Variants in ABCA10 observed in about 807,000 individuals in gnomAD.
ABCA10 encodes ATP binding cassette subfamily A member 10, also known as ATP-binding cassette sub-family A member 10.
A neutral mutation model predicts 187.5 loss-of-function variants in ABCA10; 169 were observed. The ratio of observed to expected loss-of-function variants is 0.90; its 90% CI spans 0.80 to 1.02. ABCA10 has a LOEUF of 1.02. Among genes scored for constraint, ABCA10 ranks in the 50% least tolerant of loss-of-function variants. The pLI is 0.00. For missense variants in ABCA10, 1,727 were observed against 1,812.4 expected, an observed-to-expected ratio of 0.95 and a Z score of 0.86; for synonymous variants, 574 against 601.8, an observed-to-expected ratio of 0.95 and a Z score of 0.68.
chr17:69,187,600 AAATT>A, intron 19 of ABCA10, 77 bp downstream of exon 19: 1 of 1,382,362 alleles, frequency 7.2e-7, no homozygotes, highest in Middle Eastern at 2.2e-4. Context: ...ATGAATGAAT[AAATT>A]AATATATTTA....
intron 36 of ABCA10, 102 bp downstream of exon 36, chr17:69,151,941 T>C (rs2074131777): frequency 6.7e-7 from 1 of 1,483,960 alleles, no homozygotes; most frequent in African/African-American, 1.4e-5. Context: ...GATGAATAAG[T>C]CCACTCTGCC....
intron 9 of ABCA10, among the ~76,000 whole-genome samples, chr17:69,207,572 T>C (rs903671422): frequency 6.6e-6 from 1 of 152,074 alleles, no homozygotes; most frequent in Admixed American, 6.6e-5. Context: ...ATTTAGCTTG[T>C]AAAAAAAGGA....
At chr17:69,149,292 C>T in intron 37 of ABCA10, 1 of 538,146 alleles carries the variant, frequency 1.9e-6, no homozygotes, top group Non-Finnish European at 3.2e-6. Context: ...TTCCTATAAA[C>T]TCGAAAAAGC....
intron 30 of ABCA10, among the ~76,000 whole-genome samples, chr17:69,154,625 A>T (rs1381779201): frequency 2.0e-5 from 3 of 151,974 alleles, no homozygotes; most frequent in Non-Finnish European, 4.4e-5. Context: ...GAGTCTTGCT[A>T]TGTTGCCCAG....
intron 35 of ABCA10, 39 bp downstream of exon 35, chr17:69,152,323 G>C (rs949941564): frequency 1.3e-6 from 2 of 1,597,236 alleles, no homozygotes; most frequent in Non-Finnish European, 1.7e-6. Flanking sequence ...CTCTCTATAA[G>C]AACATGCTAG....
At position 69,225,374 on chromosome 17, in the gene ABCA10, G is replaced by C; in HGVS notation, c.-16C>G. The C allele has an allele frequency of 1.2e-6, 2 of 1,612,906 alleles. No homozygotes were observed. Among genetic ancestry groups the C allele is most frequent in the Non-Finnish European group, 1.7e-6 (2 of 1,179,236 alleles). On this transcript the variant is annotated 5_prime_UTR_variant, in exon 3 of 39. Coordinates refer to ENST00000690296, the MANE Select transcript of ABCA10 (RefSeq NM_001377321.1). Reference sequence around the variant, plus strand: ...TCTTATTCATTATCCTTTGTGTTATGTTACTGACTGGTGTATATGCCACTA... The same window carrying C: ...TCTTATTCATTATCCTTTGTGTTATCTTACTGACTGGTGTATATGCCACTA...
intron 6 of ABCA10, among the ~76,000 whole-genome samples, chr17:69,216,885 C>A (rs1442899204): frequency 6.6e-6 from 1 of 151,980 alleles, no homozygotes; most frequent in Non-Finnish European, 1.5e-5. Context: ...GGACATTAGA[C>A]AATGTATTAT....
chr17:69,166,953 A>C (rs1164139234), intron 25 of ABCA10, among the ~76,000 whole-genome samples: 1 of 152,210 alleles, frequency 6.6e-6, no homozygotes, highest in Non-Finnish European at 1.5e-5. Flanking sequence ...GTTGATGATC[A>C]GTACTGCCAT....
intron 9 of ABCA10, among the ~76,000 whole-genome samples, chr17:69,213,699 A>G (rs1243520341): frequency 1.3e-5 from 2 of 152,158 alleles, no homozygotes; most frequent in African/African-American, 4.8e-5. Flanking sequence ...GGCCCTCCCC[A>G]TCTGCCCACA....
At chr17:69,222,795 G>A (rs1404414469) in intron 3 of ABCA10, 98 bp from the exon 4 acceptor site, 2 of 1,121,782 alleles carry the variant, frequency 1.8e-6, no homozygotes, top group African/African-American at 3.3e-5. Flanking sequence ...AAAATTAGTG[G>A]TATTATATAT....
chr17:69,221,703 A>T (rs949632849), intron 5 of ABCA10, 89 bp downstream of exon 5: 6 of 1,152,006 alleles, frequency 5.2e-6, no homozygotes, highest in Non-Finnish European at 7.3e-6. Context: ...ACCTCCTAAG[A>T]GTGTAAGAGT....
At position 69,153,463 on chromosome 17, in the gene ABCA10, G is replaced by A. The variant is rs2074146589; in HGVS notation, c.4041+8C>T. The A allele has an allele frequency of 6.2e-7, 1 of 1,613,950 alleles. No individual in the cohort carries two copies. The highest frequency in any genetic ancestry group is 1.7e-5 in the Admixed American group (1 of 59,996). ...GGTGCACAGGGAAACCCCGAGCCTG[G>A]CCCATACCTTTCTCTTTATTCCCTC... is the stretch of plus-strand genomic sequence containing the variant. On this transcript the variant is annotated splice_region_variant and intron_variant, in intron 33 of 38. Coordinates refer to ENST00000690296, the MANE Select transcript of ABCA10 (RefSeq NM_001377321.1).
upstream of ABCA10, among the ~76,000 whole-genome samples, chr17:69,231,071 G>C (rs2074828994): frequency 6.6e-6 from 1 of 151,954 alleles, no homozygotes; most frequent in African/African-American, 2.4e-5. Context: ...CCACAAACTG[G>C]GTACCTTAGA....
At chr17:69,217,004 T>C (rs2074711180) in intron 6 of ABCA10, among the ~76,000 whole-genome samples, 5 of 152,128 alleles carry the variant, frequency 3.3e-5, no homozygotes. Context: ...CCCAGCACTT[T>C]GGGAGGTTGA....
At chr17:69,239,074 T>G (rs2074888920) in intron 1 of ABCA10, among the ~76,000 whole-genome samples, 1 of 152,064 alleles carries the variant, frequency 6.6e-6, no homozygotes, top group Non-Finnish European at 1.5e-5. Flanking sequence ...CTACTGACAG[T>G]AGGGGAAAGA....
At chr17:69,182,945 G>T in intron 20 of ABCA10, 137 bp from the exon 21 acceptor site, 1 of 1,071,980 alleles carries the variant, frequency 9.3e-7, no homozygotes, top group Non-Finnish European at 1.3e-6. Flanking sequence ...TGCTCTTTAG[G>T]AGTACAATAC....
At position 69,153,293 on chromosome 17, in the gene ABCA10, C is replaced by A; in HGVS notation, c.4136+12G>T. 1 of 1,593,956 alleles carries A rather than the reference C, an allele frequency of 6.3e-7. No homozygotes were observed. Among genetic ancestry groups the A allele is most frequent in the South Asian group, 1.1e-5 (1 of 87,230 alleles). ...TCTCTTGACTCTGACACTTAATATT[C>A]ACTCTCCTTACCACATTTGCTGCTG... On this transcript the variant is annotated intron_variant, in intron 34 of 38. Coordinates refer to ENST00000690296, the MANE Select transcript of ABCA10 (RefSeq NM_001377321.1).
At chr17:69,182,122 G>C in intron 22 of ABCA10, 31 bp downstream of exon 22, 1 of 1,520,180 alleles carries the variant, frequency 6.6e-7, no homozygotes, top group Non-Finnish European at 8.8e-7. Flanking sequence ...CTGCTGTGTT[G>C]CCTCTTATAT....
At chr17:69,159,262 G>C (rs1239955644) in intron 27 of ABCA10, among the ~76,000 whole-genome samples, 2 of 151,642 alleles carry the variant, frequency 1.3e-5, no homozygotes, top group Admixed American at 6.6e-5. Flanking sequence ...TTGATCTGAA[G>C]AACAGAAAGA....
Sources: allele counts gnomAD v4.1 joint callset (sites outside exome capture counted in the v4.1 genomes callset), GRCh38; gene constraint gnomAD v4.1.1; transcripts MANE v1.5; gene names NCBI Gene and HGNC (gene_info 2026-07-23, HGNC 2026-07-21).